The following PDE11A variants were observed in gnomAD, a reference collection of about 807,000 sequenced individuals.
PDE11A encodes the protein phosphodiesterase 11A.
A neutral mutation model predicts 100.5 loss-of-function variants in PDE11A; 100 were observed. That is an observed-to-expected ratio of 1.00 (90% CI 0.85 to 1.18). PDE11A has a LOEUF of 1.18. Ranked by LOEUF, PDE11A falls within the 50% of genes most tolerant of loss-of-function variation. The probability of loss-of-function intolerance (pLI) is 0.00; values close to 1 mark genes in which losing one functional copy is unlikely to be tolerated. For synonymous variants in PDE11A, 381 were observed against 420.8 expected, an observed-to-expected ratio of 0.91 and a Z score of 1.16; for missense variants, 1,141 against 1,152.6, an observed-to-expected ratio of 0.99 and a Z score of 0.15.
At chr2:177,864,955 C>T (rs1010029852) in intron 5 of PDE11A, among the ~76,000 whole-genome samples, 32 of 152,126 alleles carry the variant, frequency 2.1e-4, no homozygotes, top group Non-Finnish European at 4.3e-4. Context: ...GCCTGAATAG[C>T]ACCCTAATTG....
At chr2:177,668,927 C>T (rs1444211771) in intron 18 of PDE11A, among the ~76,000 whole-genome samples, 2 of 152,150 alleles carry the variant, frequency 1.3e-5, no homozygotes, top group Admixed American at 1.3e-4. Context: ...CATCCTTATG[C>T]TTAAAAACAG....
Position 177,628,179 on chromosome 2 carries a change from T to C in PDE11A, c.*1228A>G, listed in dbSNP as rs2079863932. ...TCCTAGTGTAATCTAATTTGACAAATAAGGAAACAAGCTTGTAGAAGTTAA... is the reference window on the plus strand; with the variant it reads ...TCCTAGTGTAATCTAATTTGACAAACAAGGAAACAAGCTTGTAGAAGTTAA... On this transcript the variant is annotated 3_prime_UTR_variant, in exon 20 of 20. Coordinates refer to ENST00000286063, the MANE Select transcript of PDE11A (RefSeq NM_016953.4). 1 of 152,614 alleles carries C rather than the reference T, an allele frequency of 6.6e-6. No individual in the cohort carries two copies. Among genetic ancestry groups the C allele is most frequent in the South Asian group, 2.1e-4 (1 of 4,832 alleles). 9.5% of individuals were successfully genotyped at this position (152,614 alleles called of 1,614,324 possible).
chr2:177,670,860 T>G (rs1027476426), intron 17 of PDE11A, among the ~76,000 whole-genome samples: 1 of 72,580 alleles, frequency 1.4e-5, no homozygotes, highest in African/African-American at 3.8e-5. Context: ...TTAAGAAACA[T>G]GGGCCCCTTT....
chr2:178,078,419 C>A (rs2087234857), intron 2 of PDE11A, among the ~76,000 whole-genome samples: 1 of 151,748 alleles, frequency 6.6e-6, no homozygotes, highest in South Asian at 2.1e-4. Flanking sequence ...AGTCTTTTAT[C>A]TCTTCTTCTA....
chr2:177,815,864 T>A (rs1027318600), intron 9 of PDE11A, among the ~76,000 whole-genome samples: 7 of 152,356 alleles, frequency 4.6e-5, no homozygotes, highest in Middle Eastern at 3.4e-3. Context: ...ACTGACATTT[T>A]ATCTTGCCTA....
chr2:177,726,221 C>T (rs1004961260), intron 12 of PDE11A, among the ~76,000 whole-genome samples: 15 of 152,100 alleles, frequency 9.9e-5, no homozygotes, highest in African/African-American at 3.4e-4. Flanking sequence ...TTTTCCCAGG[C>T]CAGTCTGCCT....
At chr2:177,698,157 T>G (rs2081143612) in intron 14 of PDE11A, among the ~76,000 whole-genome samples, 1 of 152,164 alleles carries the variant, frequency 6.6e-6, no homozygotes, top group African/African-American at 2.4e-5. Flanking sequence ...GCAGGCTAAA[T>G]TCAGTATGGT....
At chr2:177,894,117 G>A (rs2084573156) in intron 4 of PDE11A, among the ~76,000 whole-genome samples, 1 of 152,144 alleles carries the variant, frequency 6.6e-6, no homozygotes, top group Non-Finnish European at 1.5e-5. Context: ...TCCTGAATGT[G>A]GTGGGACTGT....
intron 2 of PDE11A, 29 bp downstream of exon 2, chr2:178,014,273 T>A (rs968920790): frequency 9.0e-6 from 14 of 1,557,024 alleles, no homozygotes; most frequent in Admixed American, 1.7e-5. Flanking sequence ...AGAAGAAAAG[T>A]ACAACTCACA....
chr2:178,084,750 C>CTT (rs11370989), intron 2 of PDE11A, among the ~76,000 whole-genome samples: 175 of 142,596 alleles, frequency 1.2e-3, no homozygotes, highest in Admixed American at 1.4e-3. Flanking sequence ...TGGTAGACAG[C>CTT]TTTTTTTTTT....
At chr2:177,968,319 G>A (rs1427668830) in intron 2 of PDE11A, among the ~76,000 whole-genome samples, 1 of 152,056 alleles carries the variant, frequency 6.6e-6, no homozygotes, top group Non-Finnish European at 1.5e-5. Context: ...GGTTCTCAAA[G>A]CAATAAAATA....
chr2:177,803,307 TAACAACAAC>T (rs146272694), intron 9 of PDE11A, among the ~76,000 whole-genome samples: 14,602 of 151,078 alleles, frequency 0.097, 729 homozygotes, highest in Middle Eastern at 0.14. Flanking sequence ...AAAAATCTCC[TAACAACAAC>T]AACAACAACA....
intron 6 of PDE11A, among the ~76,000 whole-genome samples, chr2:177,833,902 G>A (rs1024381076): frequency 6.6e-6 from 1 of 152,218 alleles, no homozygotes; most frequent in Non-Finnish European, 1.5e-5. Flanking sequence ...AAGGGAACCT[G>A]CACAGGGGGC....
At chr2:177,789,756 G>C (rs1200452336) in intron 9 of PDE11A, among the ~76,000 whole-genome samples, 1 of 152,088 alleles carries the variant, frequency 6.6e-6, no homozygotes, top group Non-Finnish European at 1.5e-5. Flanking sequence ...CAGACAAACA[G>C]AGAGCCAAAT....
intron 15 of PDE11A, among the ~76,000 whole-genome samples, chr2:177,697,125 T>G (rs1559147824): frequency 1.3e-5 from 2 of 152,208 alleles, no homozygotes; most frequent in Non-Finnish European, 2.9e-5. Context: ...AATAGAAATC[T>G]TGTGACTGTA....
intron 14 of PDE11A, 156 bp downstream of exon 14, chr2:177,700,965 A>T (rs1473221218): frequency 2.9e-6 from 2 of 696,408 alleles, no homozygotes; most frequent in Non-Finnish European, 5.3e-6. Flanking sequence ...AGGCATCTAT[A>T]GGAACAGAAA....
intron 8 of PDE11A, among the ~76,000 whole-genome samples, chr2:177,817,518 T>G (rs2083061365): frequency 6.6e-6 from 1 of 152,156 alleles, no homozygotes; most frequent in Non-Finnish European, 1.5e-5. Context: ...AAGAGAAATG[T>G]GAGGGCAGCA....
chr2:177,992,173 C>T (rs13003047), intron 2 of PDE11A, among the ~76,000 whole-genome samples: 24,174 of 151,102 alleles, frequency 0.16, 3,075 homozygotes, highest in Non-Finnish European at 0.24. Context: ...ATTTCATTAT[C>T]CATATTAAGT....
At chr2:178,001,056 A>T (rs2086139441) in intron 2 of PDE11A, among the ~76,000 whole-genome samples, 1 of 152,186 alleles carries the variant, frequency 6.6e-6, no homozygotes, top group African/African-American at 2.4e-5. Context: ...AATTGCTCAC[A>T]TTCAGTGTTC....
Sources: allele counts gnomAD v4.1 joint callset (sites outside exome capture counted in the v4.1 genomes callset), GRCh38; gene constraint gnomAD v4.1.1; transcripts MANE v1.5; gene names NCBI Gene and HGNC (gene_info 2026-07-23, HGNC 2026-07-21).